The following SPOCK1 variants were observed in gnomAD, a reference collection of about 807,000 sequenced individuals.
The protein encoded by SPOCK1 is testican-1.
A neutral mutation model predicts 55.3 loss-of-function variants in SPOCK1; 23 were observed. The observed-to-expected ratio is 0.42, with a 90% confidence interval of 0.30 to 0.59. SPOCK1 has a LOEUF of 0.59. Ranked by LOEUF, SPOCK1 falls within the 20% of genes least tolerant of loss-of-function variation. SPOCK1 has a pLI of 0.22. For missense variants in SPOCK1, 499 were observed against 552.5 expected, an observed-to-expected ratio of 0.90 and a Z score of 0.97; for synonymous variants, 226 against 221.0, an observed-to-expected ratio of 1.02 and a Z score of -0.20.
At chr5:137,431,779 C>T (rs770434289) in intron 2 of SPOCK1, among the ~76,000 whole-genome samples, 9 of 152,316 alleles carry the variant, frequency 5.9e-5, no homozygotes, top group East Asian at 1.9e-4. Context: ...TGTTATGATG[C>T]AACTTAAAAG....
intron 2 of SPOCK1, among the ~76,000 whole-genome samples, chr5:137,286,452 G>A (rs553305913): frequency 2.6e-5 from 4 of 152,292 alleles, no homozygotes; most frequent in Non-Finnish European, 4.4e-5. Context: ...GGAAACTAAC[G>A]CAGGCTGAAA....
At chr5:137,374,120 C>T (rs1289028601) in intron 2 of SPOCK1, among the ~76,000 whole-genome samples, 2 of 152,198 alleles carry the variant, frequency 1.3e-5, no homozygotes, top group African/African-American at 2.4e-5. Flanking sequence ...AAATAATTGT[C>T]ACCTATTGTT....
At chr5:137,145,652 A>T (rs1236073469) in intron 3 of SPOCK1, among the ~76,000 whole-genome samples, 1 of 152,226 alleles carries the variant, frequency 6.6e-6, no homozygotes, top group Non-Finnish European at 1.5e-5. Context: ...GAATACAAAG[A>T]GGTGAGCAAA....
chr5:137,472,981 G>A (rs1753765153), intron 2 of SPOCK1, among the ~76,000 whole-genome samples: 1 of 152,184 alleles, frequency 6.6e-6, no homozygotes, highest in African/African-American at 2.4e-5. Context: ...GCTGTAGGGA[G>A]CCAAGCACTG....
intron 5 of SPOCK1, among the ~76,000 whole-genome samples, chr5:137,090,787 C>G (rs1294557193): frequency 6.6e-6 from 1 of 152,068 alleles, no homozygotes; most frequent in Admixed American, 6.5e-5. Flanking sequence ...CTCTTTGTTC[C>G]CCTGGGTTTT....
chr5:137,370,327 C>A (rs1383262595), intron 2 of SPOCK1, among the ~76,000 whole-genome samples: 1 of 152,194 alleles, frequency 6.6e-6, no homozygotes. Context: ...CCGACCGAGT[C>A]CGGTGATTTT....
chr5:137,401,862 C>T (rs899735746), intron 2 of SPOCK1, among the ~76,000 whole-genome samples: 1 of 152,084 alleles, frequency 6.6e-6, no homozygotes, highest in Non-Finnish European at 1.5e-5. Flanking sequence ...CACAAACTCC[C>T]CACACCTTCT....
Position 137,056,281 on chromosome 5 carries a change from G to T in SPOCK1, c.589+11434C>A, listed in dbSNP as rs150603123. On this transcript the variant is annotated intron_variant, in intron 6 of 10. Transcript: ENST00000394945. ...ACCATGTGGGGGTGGGGGACAGGGG[G>T]TCTATGGGAAGTACAGATGCCAGAT... 1.1e-3 allele frequency among the ~76,000 whole-genome samples: 172 copies of T among 152,206 alleles called. 2 individuals carry two copies. The highest frequency in any genetic ancestry group is 4.0e-3 in the African/African-American group (165 of 41,530).
chr5:137,057,272 A>G (rs1379956256), intron 6 of SPOCK1, among the ~76,000 whole-genome samples: 1 of 151,988 alleles, frequency 6.6e-6, no homozygotes, highest in Non-Finnish European at 1.5e-5. Flanking sequence ...TTTTACTCTA[A>G]TTACTTCTTT....
chr5:137,447,740 C>A (rs1396127002), intron 2 of SPOCK1, among the ~76,000 whole-genome samples: 1 of 152,138 alleles, frequency 6.6e-6, no homozygotes, highest in Admixed American at 6.5e-5. Flanking sequence ...TATCACCATA[C>A]CTATAAGAGA....
chr5:137,260,880 T>C (rs1255646398), intron 3 of SPOCK1, among the ~76,000 whole-genome samples: 1 of 152,236 alleles, frequency 6.6e-6, no homozygotes, highest in African/African-American at 2.4e-5. Context: ...CTAATTAGGC[T>C]GGAGCCGAGT....
chr5:137,030,068 T>C (rs937719087), intron 6 of SPOCK1, among the ~76,000 whole-genome samples: 4 of 152,222 alleles, frequency 2.6e-5, no homozygotes, highest in Admixed American at 6.5e-5. Context: ...CAAAAGGATT[T>C]CCTTTCATGA....
At chr5:137,006,552 C>A (rs896754076) in intron 6 of SPOCK1, among the ~76,000 whole-genome samples, 3 of 152,144 alleles carry the variant, frequency 2.0e-5, no homozygotes, top group South Asian at 4.1e-4. Context: ...GATTTTGTAT[C>A]CTGAGACTTT....
chr5:137,317,389 G>A (rs1441882753), intron 2 of SPOCK1, among the ~76,000 whole-genome samples: 1 of 152,150 alleles, frequency 6.6e-6, no homozygotes, highest in Non-Finnish European at 1.5e-5. Flanking sequence ...GGGACTTCAG[G>A]GGATTCGTCC....
chr5:137,452,510 A>T (rs1278055827), intron 2 of SPOCK1, among the ~76,000 whole-genome samples: 1 of 152,238 alleles, frequency 6.6e-6, no homozygotes, highest in African/African-American at 2.4e-5. Context: ...TTCAAGGTTT[A>T]TAACATAGTA....
chr5:137,187,937 G>A (rs1755106430), intron 3 of SPOCK1, among the ~76,000 whole-genome samples: 1 of 152,190 alleles, frequency 6.6e-6, no homozygotes, highest in Admixed American at 6.5e-5. Context: ...ATAAATTAGT[G>A]GAAGTAACAA....
At chr5:137,329,019 C>T (rs1758125662) in intron 2 of SPOCK1, among the ~76,000 whole-genome samples, 1 of 152,174 alleles carries the variant, frequency 6.6e-6, no homozygotes, top group Non-Finnish European at 1.5e-5. Context: ...TTCTATGAAA[C>T]ATGATTCTGG....
chr5:137,001,120 G>A (rs1393687209), intron 6 of SPOCK1, among the ~76,000 whole-genome samples: 1 of 152,216 alleles, frequency 6.6e-6, no homozygotes, highest in Non-Finnish European at 1.5e-5. Context: ...TTAATCTTCA[G>A]TTTCCTCATC....
intron 2 of SPOCK1, among the ~76,000 whole-genome samples, chr5:137,371,503 A>T (rs1432606457): frequency 1.3e-5 from 2 of 152,234 alleles, no homozygotes; most frequent in African/African-American, 4.8e-5. Flanking sequence ...TCTACAAAGC[A>T]GTTTGCAGTG....
Sources: allele counts gnomAD v4.1 joint callset (sites outside exome capture counted in the v4.1 genomes callset), GRCh38; gene constraint gnomAD v4.1.1; transcripts MANE v1.5; gene names NCBI Gene and HGNC (gene_info 2026-07-23, HGNC 2026-07-21).